ZNF648: variants seen among roughly 807,000 people sequenced by gnomAD.
ZNF648 encodes zinc finger protein 648.
Under a neutral mutation model 0.3 loss-of-function variants are expected in ZNF648, and 1 was observed. The ratio of observed to expected loss-of-function variants is 3.90; its 90% CI spans 1.39 to 18.51. ZNF648 has a LOEUF of 18.51. ZNF648 is among the 30% of genes most tolerant of loss of function. ZNF648 has a pLI of 0.11. For missense variants in ZNF648, 874 were observed against 769.7 expected, an observed-to-expected ratio of 1.14 and a Z score of -1.60; for synonymous variants, 376 against 326.8, an observed-to-expected ratio of 1.15 and a Z score of -1.62.
chr1:182,059,417 G>T (rs1422130478), intron 1 of ZNF648, among the ~76,000 whole-genome samples: 1 of 152,202 alleles, frequency 6.6e-6, no homozygotes, highest in African/African-American at 2.4e-5. Context: ...TACTAGAGAG[G>T]CAGGGTACTG....
upstream of ZNF648, among the ~76,000 whole-genome samples, chr1:182,066,075 G>T (rs538048813): frequency 6.6e-6 from 1 of 152,168 alleles, no homozygotes; most frequent in East Asian, 1.9e-4. Flanking sequence ...AACAAAGTAG[G>T]TGTTCTTTTA....
chr1:182,058,250 T>C (rs1432451206), intron 1 of ZNF648, among the ~76,000 whole-genome samples, 177 bp from the exon 2 acceptor site: 6 of 152,148 alleles, frequency 3.9e-5, no homozygotes, highest in Non-Finnish European at 7.3e-5. Context: ...AGTCATCCTA[T>C]TCCCTCTGGA....
chr1:182,056,456 A>ATGCGG lies in ZNF648; in HGVS notation c.1554_1555insCCGCA (p.Leu519ProfsTer100). 6.2e-7 allele frequency: 1 copy of ATGCGG among 1,613,562 alleles called. No individual in the cohort carries two copies. Among genetic ancestry groups the ATGCGG allele is most frequent in the Non-Finnish European group, 8.5e-7 (1 of 1,179,836 alleles). On this transcript the variant is annotated frameshift_variant, in exon 2 of 2. Coordinates refer to ENST00000339948, the MANE Select transcript of ZNF648 (RefSeq NM_001009992.1). LOFTEE classifies it low-confidence loss of function (END_TRUNC). ...TTGTGCATTCGTATGTGCTGGGCCA[A>ATGCGG]CTCAGAGGCAATGCGGAAGGCCCTG...
At position 182,057,523 on chromosome 1, in the gene ZNF648, A is replaced by G. The variant is rs113757043; in HGVS notation, c.488T>C (p.Val163Ala). The G allele has an allele frequency of 1.4e-5, 23 of 1,614,186 alleles. No individual in the cohort carries two copies. The African/African-American group carries it at 1.5e-4, about 10-fold the overall frequency. ...TCCATTGCTGGGGAAGCTGGGTGGG[A>G]CATCCAAGACTGCGTCCTGGTTTGC... ...SGANQDAVLD[V>A]PPSFPSNGKY... The change falls in exon 2 of 2, where the codon GTC (valine) becomes GCC (alanine). Residue 163 changes from valine to alanine, a missense_variant. By Grantham distance (64) the Val-to-Ala change is moderately conservative (BLOSUM62 0). Transcript: ENST00000339948.
intron 1 of ZNF648, 78 bp from the exon 2 acceptor site, chr1:182,058,151 C>T (rs1665973012): frequency 4.0e-6 from 4 of 1,008,964 alleles, no homozygotes; most frequent in Non-Finnish European, 5.7e-6. Flanking sequence ...ACTGAGGTTC[C>T]CACTATAGCT....
chr1:182,056,031 C>A lies in ZNF648; in HGVS notation c.*273G>T, dbSNP rs1465261436. The A allele has an allele frequency of 2.3e-6, 1 of 442,826 alleles. No homozygotes were observed. Among genetic ancestry groups the A allele is most frequent in the Non-Finnish European group, 4.0e-6 (1 of 249,378 alleles). 27.4% of individuals were successfully genotyped at this position (442,826 alleles called of 1,614,324 possible). On this transcript the variant is annotated 3_prime_UTR_variant, in exon 2 of 2. Transcript: ENST00000339948. ...TCTGATTGATTCAGGTTCCCCAACCCAAGGAACTCAACGTTTGATCAGCTC... is the reference window on the plus strand; with the variant it reads ...TCTGATTGATTCAGGTTCCCCAACCAAAGGAACTCAACGTTTGATCAGCTC...
At position 182,056,443 on chromosome 1, in the gene ZNF648, A is replaced by C. The variant is rs1313359665; in HGVS notation, c.1568T>G (p.Ile523Arg). The C allele has an allele frequency of 1.2e-6, 2 of 1,613,720 alleles. No homozygotes were observed. The highest frequency in any genetic ancestry group is 1.7e-6 in the Non-Finnish European group (2 of 1,179,932). The change falls in exon 2 of 2, where the codon ATA (isoleucine) becomes AGA (arginine). Residue 523 changes from isoleucine (I) to arginine (R), a missense_variant. Coordinates refer to ENST00000339948, the MANE Select transcript of ZNF648 (RefSeq NM_001009992.1). The stretch of plus-strand genomic sequence containing the variant: ...GGGCCTCTCTCCGTTGTGCATTCGT[A>C]TGTGCTGGGCCAACTCAGAGGCAAT... ...FRIASELAQH[I>R]RMHNGERPYQ...
chr1:182,056,601 G>A lies in ZNF648; in HGVS notation c.1410C>T (p.His470=), dbSNP rs755128211. Residue 470 remains histidine, a synonymous_variant, in exon 2 of 2, where the codon CAC becomes CAT. Transcript: ENST00000339948. ...PSRLVRHQRI[H]TGERPFPCTQ... is the part of the protein sequence containing the mutation. ...TGCAAGGAAAGGGCCTCTCGCCAGT[G>A]TGGATGCGCTGGTGGCGCACGAGGC... The A allele has an allele frequency of 1.2e-6, 2 of 1,613,706 alleles. No homozygotes were observed. The highest frequency in any genetic ancestry group is 8.5e-7 in the Non-Finnish European group (1 of 1,179,824).
chr1:182,056,930 T>G lies in ZNF648; in HGVS notation c.1081A>C (p.Asn361His). Residue 361 changes from asparagine (N) to histidine (H), a missense_variant, in exon 2 of 2, where the codon AAT becomes CAT. Physicochemically the swap from Asn to His is moderately conservative, Grantham distance 68. Transcript: ENST00000339948. ...RKHQRNMHSN[N>H]KPFPCSECGL... ...CACTCGGAGCACGGGAAGGGCTTAT[T>G]GTTGCTGTGCATGTTGCGCTGGTGT... 6.2e-7 allele frequency: 1 copy of G among 1,610,956 alleles called. No homozygotes were observed. The highest frequency in any genetic ancestry group is 8.5e-7 in the Non-Finnish European group (1 of 1,178,718).
At position 182,056,797 on chromosome 1, in the gene ZNF648, C is replaced by CTGGCCACA; in HGVS notation, c.1206_1213dup (p.Ser405MetfsTer90). The CTGGCCACA allele has an allele frequency of 6.4e-7, 1 of 1,554,186 alleles. No homozygotes were observed. On this transcript the variant is annotated frameshift_variant, in exon 2 of 2. Coordinates refer to ENST00000339948, the MANE Select transcript of ZNF648 (RefSeq NM_001009992.1). LOFTEE classifies it low-confidence loss of function (END_TRUNC). ...CACGCGCTGGTGCTCCACCATGCGG[C>CTGGCCACA]TGGCCACAGCGAACTCCCGGTCGCA...
upstream of ZNF648, chr1:182,062,627 G>A (rs563115857): frequency 6.6e-6 from 1 of 152,280 alleles, no homozygotes; most frequent in African/African-American, 2.4e-5. Flanking sequence ...ATGCATGTAA[G>A]GAGCTTAGTT....
chr1:182,066,296 G>A (rs1209256252), upstream of ZNF648, among the ~76,000 whole-genome samples: 1 of 152,212 alleles, frequency 6.6e-6, no homozygotes, highest in Non-Finnish European at 1.5e-5. Context: ...ACATGGACTG[G>A]ATGGGTGGAG....
At chr1:182,069,273 C>G in the ZNF648 span, 1 of 152,174 alleles carries the variant, frequency 6.6e-6, no homozygotes, top group Non-Finnish European at 1.5e-5. Flanking sequence ...TTCCAAGGCC[C>G]CCATCAAAAC....
chr1:182,069,443 A>C, the ZNF648 span, among the ~76,000 whole-genome samples: 1 of 151,964 alleles, frequency 6.6e-6, no homozygotes, highest in Non-Finnish European at 1.5e-5. Context: ...TCTTCATAGC[A>C]CTCTGGCCAC....
chr1:182,055,645 AAT>A lies in ZNF648; in HGVS notation c.*657_*658del, dbSNP rs1665893670. 2 of 152,366 alleles carry A rather than the reference AAT, an allele frequency of 1.3e-5. No individual in the cohort carries two copies. Among genetic ancestry groups the A allele is most frequent in the South Asian group, 4.1e-4 (2 of 4,826 alleles). 9.4% of individuals were successfully genotyped at this position (152,366 alleles called of 1,614,324 possible). Reference sequence around the variant, plus strand: ...TGTCCTGAACTTCTAGAATAACTGGAATATGACATAAACCACCTTCTCTAAGA... The same window carrying A: ...TGTCCTGAACTTCTAGAATAACTGGAATGACATAAACCACCTTCTCTAAGA... On this transcript the variant is annotated 3_prime_UTR_variant, in exon 2 of 2. Transcript: ENST00000339948. This position sits in a 1 kb window ranked among gnomAD's most constrained non-coding sequence, Gnocchi z 4.1.
At position 182,054,828 on chromosome 1, in the gene ZNF648, T is replaced by C. The variant is rs1665882739; in HGVS notation, c.*1476A>G. The C allele has an allele frequency of 6.6e-6, 1 of 152,216 alleles. No individual in the cohort carries two copies. Among genetic ancestry groups the C allele is most frequent in the Admixed American group, 6.5e-5 (1 of 15,290 alleles). 9.4% of individuals were successfully genotyped at this position (152,216 alleles called of 1,614,324 possible). A position where few individuals can be genotyped will look rare whatever the true frequency, so the allele number is the denominator to read the frequency against. On this transcript the variant is annotated 3_prime_UTR_variant, in exon 2 of 2. Transcript: ENST00000339948. ...GATGGACTCTTTTATTACGGTTACC[T>C]TGGTCAAACAAGACACAAGACTATC...
rs779209802 is a variant in ZNF648, at chr1:182,061,180, G to A, written c.-64+388C>T. Among the ~76,000 whole-genome samples, 114 of 152,324 alleles carry A rather than the reference G, an allele frequency of 7.5e-4. 1 individual carries two copies. The highest frequency in any genetic ancestry group is 3.4e-3 in the Middle Eastern group (1 of 294). ...GACCTGGAGGCAGGCAGGGGCACAGGGAGGGATTTTCTGGCAAAGTCTGCA... is the reference window on the plus strand; with the variant it reads ...GACCTGGAGGCAGGCAGGGGCACAGAGAGGGATTTTCTGGCAAAGTCTGCA... On this transcript the variant is annotated intron_variant, in intron 1 of 1. Coordinates refer to ENST00000339948, the MANE Select transcript of ZNF648 (RefSeq NM_001009992.1).
the ZNF648 span, chr1:182,069,273 C>T: frequency 6.6e-6 from 1 of 152,174 alleles, no homozygotes; most frequent in Non-Finnish European, 1.5e-5. Context: ...TTCCAAGGCC[C>T]CCATCAAAAC....
chr1:182,064,131 G>C (rs1666067587), upstream of ZNF648: 1 of 152,182 alleles, frequency 6.6e-6, no homozygotes, highest in African/African-American at 2.4e-5. Flanking sequence ...AAGTTGGGTA[G>C]CATGATGCCT....
Sources: gnomAD v4.1 joint callset for allele counts (sites outside exome capture counted in the v4.1 genomes callset) on GRCh38, gnomAD v4.1.1 for gene constraint, Gnocchi (gnomAD v3.1) non-coding constraint, MANE v1.5 for transcripts, NCBI Gene and HGNC (gene_info 2026-07-23, HGNC 2026-07-21) for gene names.